Variants in MSL2 observed in about 807,000 individuals in gnomAD.
The protein encoded by MSL2 is MSL complex subunit 2.
In MSL2, 2 loss-of-function variants were observed where a neutral mutation model predicts 35.8. The ratio of observed to expected loss-of-function variants is 0.06; its 90% confidence interval spans 0.02 to 0.18. The LOEUF is 0.18. Among genes scored for constraint, MSL2 ranks in the 10% least tolerant of loss-of-function variants. The probability of loss-of-function intolerance (pLI) is 1.00; values close to 1 mark genes in which losing one functional copy is unlikely to be tolerated. For missense variants in MSL2, 523 were observed against 706.7 expected (o/e 0.74, Z 2.95); for synonymous variants, 296 against 255.7 (o/e 1.16, Z -1.50).
At chr3:136,157,288 C>T (rs1301536243) in intron 1 of MSL2, among the ~76,000 whole-genome samples, 1 of 135,404 alleles carries the variant, frequency 7.4e-6, no homozygotes, top group Non-Finnish European at 1.6e-5. Flanking sequence ...GGGCCAATCA[C>T]CTGAGGTCAG....
intron 1 of MSL2, chr3:136,155,955 C>T: frequency 2.1e-6 from 1 of 487,174 alleles, no homozygotes; most frequent in Non-Finnish European, 4.1e-6. Flanking sequence ...TCTGCATGTA[C>T]CACTCTTATG....
At chr3:136,160,345 G>GGGAGGGAAGGAGGGAAGGAA (rs1210803716) in intron 1 of MSL2, among the ~76,000 whole-genome samples, 1 of 31,734 alleles carries the variant, frequency 3.2e-5, no homozygotes, top group African/African-American at 6.1e-5. Flanking sequence ...GAAGGAGGGA[G>GGGAGGGAAGGAGGGAAGGAA]GGAGGGAGGG....
chr3:136,170,516 T>A (rs970376206), intron 1 of MSL2, among the ~76,000 whole-genome samples: 1 of 132,946 alleles, frequency 7.5e-6, no homozygotes, highest in African/African-American at 2.9e-5. Flanking sequence ...TCCTTTTTTT[T>A]TTTTTTTTTT....
At chr3:136,153,075 G>A in intron 1 of MSL2, 4 of 985,086 alleles carry the variant, frequency 4.1e-6, no homozygotes, top group Non-Finnish European at 3.6e-6. Flanking sequence ...CACAAACTAG[G>A]GTTAAAACCC....
rs757830934 is a variant in MSL2, at chr3:136,151,987, T to C, written c.894A>G (p.Val298=). Residue 298 remains valine, a synonymous_variant, in exon 2 of 2, where the codon GTA becomes GTG. Transcript: ENST00000309993. The surrounding 1 kb of genome is among the most constrained non-coding windows in gnomAD (Gnocchi z 5.2). ...AAAGCTGCAGAAAAGGTCCATTGGA[T>C]ACAGTGGCTTCCAAGTTCGGCTGCA... is the stretch of plus-strand genomic sequence containing the variant. The part of the protein sequence containing the change: ...PNLQPNLEAT[V]SNGPFLQLSS... The C allele has an allele frequency of 1.2e-6, 2 of 1,614,230 alleles. No homozygotes were observed. The highest frequency in any genetic ancestry group is 2.2e-5 in the South Asian group (2 of 91,092).
At chr3:136,159,492 T>C (rs897062514) in intron 1 of MSL2, among the ~76,000 whole-genome samples, 1 of 149,922 alleles carries the variant, frequency 6.7e-6, no homozygotes, top group Admixed American at 6.7e-5. Flanking sequence ...GCCTCCCGAG[T>C]AGCTGGGACT....
intron 1 of MSL2, among the ~76,000 whole-genome samples, chr3:136,158,781 AATAT>A (rs1274496264): frequency 6.6e-6 from 1 of 152,240 alleles, no homozygotes; most frequent in Non-Finnish European, 1.5e-5. Context: ...TAGCACAAAC[AATAT>A]ATACAAAAGT....
chr3:136,153,100 TGTG>T (rs1204144680), intron 1 of MSL2: 6 of 963,068 alleles, frequency 6.2e-6, no homozygotes, highest in African/African-American at 5.3e-5. Context: ...GATAGCCAGG[TGTG>T]GTGGTGTGTG....
rs933100243 is a variant in MSL2 at position 136,195,760 on chromosome 3, G to A, written c.-647C>T. 5 of 984,908 alleles carry A rather than the reference G, an allele frequency of 5.1e-6. No homozygotes were observed. The highest frequency in any genetic ancestry group is 1.8e-5 in the African/African-American group (1 of 57,104). The allele number at this position is 984,908 out of a possible 1,614,324, so 61.0% of individuals were successfully genotyped here. The stretch of plus-strand genomic sequence containing the variant: ...GGCCCAGACTGCGCCCTGGCTCTCC[G>A]CCCCGTGGGTTGCAGCCCGCAGTTC... On this transcript the variant is annotated 5_prime_UTR_variant, in exon 1 of 2. Coordinates refer to ENST00000309993, the MANE Select transcript of MSL2 (RefSeq NM_018133.4).
chr3:136,178,154 G>C (rs1478477125), intron 1 of MSL2, among the ~76,000 whole-genome samples: 1 of 152,174 alleles, frequency 6.6e-6, no homozygotes, highest in Non-Finnish European at 1.5e-5. Context: ...AGAACTAAAA[G>C]AGAACGCCAG....
rs139266214 is a variant in MSL2, at chr3:136,151,401, T to C, written c.1480A>G (p.Ile494Val). 12 of 1,614,084 alleles carry C rather than the reference T, an allele frequency of 7.4e-6. No individual in the cohort carries two copies. The highest frequency in any genetic ancestry group is 5.3e-5 in the African/African-American group (4 of 74,940). The change falls in exon 2 of 2, where the codon ATA becomes GTA. Residue 494 changes from isoleucine (I) to valine (V), a missense_variant. Around this residue, in one of 5 missense-constraint regions of MSL2, gnomAD observed 16 missense variants for 86.1 expected, o/e 0.19. Transcript: ENST00000309993. The surrounding 1 kb of genome is among the most constrained non-coding windows in gnomAD (Gnocchi z 5.2). The part of the protein sequence containing the change: ...YSNRKACLDC[I>V]CRGCQNSYMA... ...TAGGAGTTTTGGCAGCCACGACATA[T>C]ACAATCTAAGCAGGCTTTGCGGTTA... is the stretch of plus-strand genomic sequence containing the variant.
intron 1 of MSL2, among the ~76,000 whole-genome samples, chr3:136,155,346 A>G (rs1939488851): frequency 6.6e-6 from 1 of 152,054 alleles, no homozygotes; most frequent in African/African-American, 2.4e-5. Context: ...CTCTACTAAA[A>G]TAACAAAATT....
At chr3:136,190,570 T>C (rs975901535) in intron 1 of MSL2, among the ~76,000 whole-genome samples, 2 of 151,666 alleles carry the variant, frequency 1.3e-5, no homozygotes, top group African/African-American at 2.4e-5. Flanking sequence ...AAAATATTCA[T>C]GTTCCCGAGT....
intron 1 of MSL2, among the ~76,000 whole-genome samples, chr3:136,180,316 C>T (rs146985260): frequency 0.01 from 1,538 of 152,198 alleles, 29 homozygotes; most frequent in African/African-American, 0.033. Flanking sequence ...CAAGTATGAA[C>T]AGTCTCTGGT....
chr3:136,151,922 C>G lies in MSL2; in HGVS notation c.959G>C (p.Ser320Thr). 1 of 1,614,160 alleles carries G rather than the reference C, an allele frequency of 6.2e-7. No individual in the cohort carries two copies. The highest frequency in any genetic ancestry group is 1.1e-5 in the South Asian group (1 of 91,080). Reference protein sequence around the residue: ...SLSHNVFMSTSPALHGLSCTA... With the variant: ...SLSHNVFMSTTPALHGLSCTA... ...ACATGATAACCCATGAAGTGCAGGA[C>G]TGGTGGACATAAAAACATTATGGCT... Residue 320 changes from serine (S) to threonine (T), a missense_variant, in exon 2 of 2, where the codon AGT becomes ACT. Ser to Thr is a moderately conservative substitution (Grantham distance 58). This residue lies in a region of MSL2 where 361 missense variants were observed against 414.6 expected (regional missense o/e 0.87). Coordinates refer to ENST00000309993, the MANE Select transcript of MSL2 (RefSeq NM_018133.4). This position sits in a 1 kb window ranked among gnomAD's most constrained non-coding sequence, Gnocchi z 5.2.
intron 1 of MSL2, among the ~76,000 whole-genome samples, chr3:136,169,250 G>GGGT (rs1559963937): frequency 2.3e-4 from 4 of 17,132 alleles, no homozygotes; most frequent in Non-Finnish European, 5.5e-4. Context: ...GGGGGGGGGG[G>GGGT]GGTGCTTATT....
rs1940813620 is a variant in MSL2, at chr3:136,195,533, GC to G, written c.-421del. ...CTGGCAGGCGCGGGAGCAGGCCCCG[GC>G]CCCGTCTGAGGCGCGGCACGCTTCT... On this transcript the variant is annotated 5_prime_UTR_variant, in exon 1 of 2. Coordinates refer to ENST00000309993, the MANE Select transcript of MSL2 (RefSeq NM_018133.4). The G allele has an allele frequency of 9.9e-7, 1 of 1,007,394 alleles. No homozygotes were observed. The highest frequency in any genetic ancestry group is 4.0e-5 in the South Asian group (1 of 24,852). 62.4% of individuals were successfully genotyped at this position (1,007,394 alleles called of 1,614,324 possible).
At chr3:136,189,108 C>CAAAAAAAAAAAAAAAAAAAAAAAAAA (rs372715974) in intron 1 of MSL2, among the ~76,000 whole-genome samples, 1 of 38,606 alleles carries the variant, frequency 2.6e-5, no homozygotes, top group African/African-American at 1.0e-4. Flanking sequence ...CCTGTCTCTA[C>CAAAAAAAAAAAAAAAAAAAAAAAAAA]AAAAAAAAAA....
Position 136,152,361 on chromosome 3 carries a change from A to C in MSL2, c.520T>G (p.Leu174Val), listed in dbSNP as rs1171324828. The C allele has an allele frequency of 1.2e-6, 2 of 1,614,228 alleles. No individual in the cohort carries two copies. Among genetic ancestry groups the C allele is most frequent in the Admixed American group, 3.3e-5 (2 of 60,032 alleles). Residue 174 changes from leucine (L) to valine (V), a missense_variant, in exon 2 of 2, where the codon TTA becomes GTA. By Grantham distance (32) the Leu-to-Val change is conservative. This residue lies in a region of MSL2 where 361 missense variants were observed against 414.6 expected (regional missense o/e 0.87). Coordinates refer to ENST00000309993, the MANE Select transcript of MSL2 (RefSeq NM_018133.4). Reference sequence around the variant, plus strand: ...AGGGTGCTTTCAGACATTGGAGATAAACTAGCTTGAGGATCAGTTGTGGGT... The same window carrying C: ...AGGGTGCTTTCAGACATTGGAGATACACTAGCTTGAGGATCAGTTGTGGGT... ...SEPTTDPQAS[L>V]SPMSESTLSI...
Sources: allele counts gnomAD v4.1 joint callset (sites outside exome capture counted in the v4.1 genomes callset), GRCh38; gene constraint gnomAD v4.1.1; regional missense constraint gnomAD v4.1.1; non-coding constraint Gnocchi (gnomAD v3.1); transcripts MANE v1.5; gene names NCBI Gene and HGNC (gene_info 2026-07-23, HGNC 2026-07-21).